The following ARK2N variants were observed in gnomAD, a reference collection of about 807,000 sequenced individuals.
The protein encoded by ARK2N is arkadia (RNF111) N-terminal like PKA signaling regulator 2N.
the ARK2N span, among the ~76,000 whole-genome samples, chr18:46,226,845 T>C: frequency 6.6e-6 from 1 of 151,610 alleles, no homozygotes; most frequent in Non-Finnish European, 1.5e-5. Context: ...TTCGCTCTTG[T>C]TGCCCAGGCT....
the ARK2N span, among the ~76,000 whole-genome samples, chr18:46,229,569 C>T: frequency 2.2e-4 from 34 of 151,980 alleles, no homozygotes; most frequent in Non-Finnish European, 1.5e-5. Context: ...TGGTCTCGAT[C>T]TCCTGACGTC....
At chr18:46,242,421 C>T in the ARK2N span, among the ~76,000 whole-genome samples, 7 of 152,102 alleles carry the variant, frequency 4.6e-5, no homozygotes, top group Non-Finnish European at 7.4e-5. Flanking sequence ...TAAAGTTTAG[C>T]TTTTGGGATG....
chr18:46,216,685 C>A, the ARK2N span: 1 of 1,135,578 alleles, frequency 8.8e-7, no homozygotes, highest in Non-Finnish European at 1.2e-6. The surrounding 1 kb of genome is among the most constrained non-coding windows in gnomAD (Gnocchi z 4.3). Flanking sequence ...TTGAAAAAAT[C>A]CAGGAGACCT....
the ARK2N span, among the ~76,000 whole-genome samples, chr18:46,208,570 A>G: frequency 6.7e-6 from 1 of 149,518 alleles, no homozygotes; most frequent in African/African-American, 2.5e-5. Context: ...CCCAGGTTCA[A>G]GCAGTTCTCC....
At chr18:46,214,445 C>T in the ARK2N span, among the ~76,000 whole-genome samples, 1 of 152,126 alleles carries the variant, frequency 6.6e-6, no homozygotes, top group African/African-American at 2.4e-5. Flanking sequence ...TTGGAAACTG[C>T]GACTTTAAAT....
the ARK2N span, among the ~76,000 whole-genome samples, chr18:46,242,548 A>G: frequency 3.3e-5 from 5 of 152,086 alleles, no homozygotes; most frequent in Admixed American, 1.3e-4. Flanking sequence ...GAGGAAAACA[A>G]CTGTGGCTTC....
At chr18:46,240,964 G>A in the ARK2N span, among the ~76,000 whole-genome samples, 1 of 152,348 alleles carries the variant, frequency 6.6e-6, no homozygotes, top group East Asian at 1.9e-4. Context: ...TTGAGAGACT[G>A]CTTATGCAGT....
At chr18:46,259,552 A>G in the ARK2N span, among the ~76,000 whole-genome samples, 7 of 151,468 alleles carry the variant, frequency 4.6e-5, no homozygotes, top group African/African-American at 9.7e-5. Flanking sequence ...ACTCTGCACT[A>G]CTTTCTAATT....
the ARK2N span, chr18:46,216,489 C>G: frequency 9.9e-6 from 16 of 1,614,126 alleles, no homozygotes; most frequent in South Asian, 1.8e-4. The surrounding 1 kb of genome is among the most constrained non-coding windows in gnomAD (Gnocchi z 4.3). Flanking sequence ...TGCTGCAGGA[C>G]AGTAGTACCA....
At chr18:46,265,058 A>C in the ARK2N span, 1 of 152,628 alleles carries the variant, frequency 6.6e-6, no homozygotes, top group African/African-American at 2.4e-5. Flanking sequence ...CTGAAGATTC[A>C]CTACTGGTGT....
At chr18:46,195,266 C>CTTTTTT in the ARK2N span, among the ~76,000 whole-genome samples, 1 of 94,492 alleles carries the variant, frequency 1.1e-5, no homozygotes, top group African/African-American at 3.8e-5. Flanking sequence ...TTTATTTAAC[C>CTTTTTT]TTTTTTTTTT....
the ARK2N span, among the ~76,000 whole-genome samples, chr18:46,258,434 C>T: frequency 3.3e-5 from 5 of 151,994 alleles, no homozygotes; most frequent in Admixed American, 6.6e-5. Flanking sequence ...AAAAGTTGAC[C>T]GTCAGAGCCT....
chr18:46,265,526 C>T, the ARK2N span: 1 of 152,256 alleles, frequency 6.6e-6, no homozygotes, highest in Non-Finnish European at 1.5e-5. Context: ...ATTCCTAGTC[C>T]AGCTCCCAAC....
the ARK2N span, among the ~76,000 whole-genome samples, chr18:46,242,783 A>G: frequency 6.6e-6 from 1 of 152,200 alleles, no homozygotes; most frequent in African/African-American, 2.4e-5. Flanking sequence ...GTGTGGCTCT[A>G]GTTCATTCAT....
the ARK2N span, among the ~76,000 whole-genome samples, chr18:46,211,005 A>G: frequency 2.6e-5 from 4 of 152,180 alleles, no homozygotes; most frequent in African/African-American, 9.7e-5. Flanking sequence ...TTAAGCCTAC[A>G]AAGTAGATTG....
At chr18:46,195,065 G>A in the ARK2N span, among the ~76,000 whole-genome samples, 1 of 151,244 alleles carries the variant, frequency 6.6e-6, no homozygotes, top group East Asian at 2.0e-4. Context: ...GCCTCCCAAA[G>A]TACTGTATTT....
At chr18:46,228,799 G>A in the ARK2N span, 1 of 398,564 alleles carries the variant, frequency 2.5e-6, no homozygotes, top group Non-Finnish European at 4.4e-6. Context: ...TCAGACGCCT[G>A]GGCTTAAGCG....
At chr18:46,174,904 C>G in the ARK2N span, among the ~76,000 whole-genome samples, 1 of 152,252 alleles carries the variant, frequency 6.6e-6, no homozygotes, top group Non-Finnish European at 1.5e-5. Context: ...TTCTTATAGG[C>G]TTGGCGCCGC....
At chr18:46,199,155 A>T in the ARK2N span, among the ~76,000 whole-genome samples, 1 of 152,140 alleles carries the variant, frequency 6.6e-6, no homozygotes, top group Non-Finnish European at 1.5e-5. Flanking sequence ...CCCTCAGTCA[A>T]TATTTAAGAC....
Sources: allele counts gnomAD v4.1 joint callset (sites outside exome capture counted in the v4.1 genomes callset), GRCh38; gene constraint gnomAD v4.1.1; non-coding constraint Gnocchi (gnomAD v3.1); transcripts MANE v1.5; gene names NCBI Gene and HGNC (gene_info 2026-07-23, HGNC 2026-07-21).